WWOX: variants seen among roughly 807,000 people sequenced by gnomAD.
WWOX encodes the protein WW domain-containing oxidoreductase.
In WWOX, 69 loss-of-function variants were observed where a neutral mutation model predicts 46.2. That is an observed-to-expected ratio of 1.49 (90% CI 1.23 to 1.82). WWOX has a LOEUF of 1.82. WWOX is among the 40% of genes most tolerant of loss of function. WWOX has a pLI of 0.00. For missense variants in WWOX, 919 were observed against 542.6 expected, an observed-to-expected ratio of 1.69 and a Z score of -6.89; for synonymous variants, 359 against 202.6, an observed-to-expected ratio of 1.77 and a Z score of -6.56.
chr16:78,834,865 A>G (rs1437740790), intron 8 of WWOX, among the ~76,000 whole-genome samples: 2 of 152,202 alleles, frequency 1.3e-5, no homozygotes, highest in East Asian at 3.8e-4. Flanking sequence ...TCGTAATGAC[A>G]TTATTATGAT....
intron 6 of WWOX, among the ~76,000 whole-genome samples, chr16:78,412,436 G>A (rs537488421): frequency 2.0e-5 from 3 of 152,320 alleles, no homozygotes; most frequent in Admixed American, 6.5e-5. Context: ...AGGGTTTGAA[G>A]TCTTCATGGC....
chr16:78,561,130 C>G (rs1385030214), intron 8 of WWOX, among the ~76,000 whole-genome samples: 2 of 152,170 alleles, frequency 1.3e-5, no homozygotes, highest in African/African-American at 4.8e-5. Context: ...GCCCCTGTTT[C>G]CTACTGACTT....
At chr16:79,056,459 G>C (rs1003376169) in intron 8 of WWOX, among the ~76,000 whole-genome samples, 6 of 152,212 alleles carry the variant, frequency 3.9e-5, no homozygotes, top group Non-Finnish European at 8.8e-5. Flanking sequence ...CTGGGGCAGA[G>C]GGTTGCCTGG....
chr16:78,407,705 C>G (rs1305571006), intron 6 of WWOX, among the ~76,000 whole-genome samples: 2 of 152,172 alleles, frequency 1.3e-5, no homozygotes, highest in Non-Finnish European at 1.5e-5. Flanking sequence ...CTTCTTCCCT[C>G]CAGCTTCAGT....
chr16:79,139,275 G>T (rs998504716), intron 8 of WWOX, among the ~76,000 whole-genome samples: 1 of 152,200 alleles, frequency 6.6e-6, no homozygotes, highest in South Asian at 2.1e-4. Context: ...TGCTGATCAC[G>T]TTAAGCCAGG....
intron 8 of WWOX, among the ~76,000 whole-genome samples, chr16:78,699,260 G>A (rs1272665806): frequency 6.6e-6 from 1 of 152,140 alleles, no homozygotes. Context: ...GCAGCACGGT[G>A]TGATGGCTCA....
At chr16:78,833,580 AT>A (rs2051892314) in intron 8 of WWOX, among the ~76,000 whole-genome samples, 1 of 151,906 alleles carries the variant, frequency 6.6e-6, no homozygotes, top group Non-Finnish European at 1.5e-5. Flanking sequence ...CTTGTATCTG[AT>A]TTTTCATAGT....
intron 5 of WWOX, among the ~76,000 whole-genome samples, chr16:78,363,574 A>T (rs1015772287): frequency 2.0e-5 from 3 of 152,142 alleles, no homozygotes; most frequent in Non-Finnish European, 4.4e-5. Flanking sequence ...CCACTGTCCC[A>T]GGCCAGTTTT....
chr16:78,754,771 C>T (rs1049391666), intron 8 of WWOX, among the ~76,000 whole-genome samples: 4 of 152,084 alleles, frequency 2.6e-5, no homozygotes, highest in Non-Finnish European at 4.4e-5. Context: ...CTGAGTTTGA[C>T]AGTGTGAATG....
intron 8 of WWOX, among the ~76,000 whole-genome samples, chr16:78,513,903 C>T (rs530253808): frequency 6.7e-6 from 1 of 149,898 alleles, no homozygotes; most frequent in Non-Finnish European, 1.5e-5. Flanking sequence ...CTCCCCCCCC[C>T]CCCACTTGTA....
At chr16:78,443,012 T>A (rs548630221) in intron 8 of WWOX, among the ~76,000 whole-genome samples, 10 of 151,828 alleles carry the variant, frequency 6.6e-5, no homozygotes, top group African/African-American at 2.2e-4. Flanking sequence ...CGTGGGTGCC[T>A]GTAGTCCCAG....
At chr16:78,808,863 A>G (rs1001559285) in intron 8 of WWOX, among the ~76,000 whole-genome samples, 1 of 152,160 alleles carries the variant, frequency 6.6e-6, no homozygotes, top group Non-Finnish European at 1.5e-5. Context: ...TCATTTGAAC[A>G]CACAAAATAT....
At chr16:78,503,289 G>C (rs2085114268) in intron 8 of WWOX, among the ~76,000 whole-genome samples, 1 of 151,984 alleles carries the variant, frequency 6.6e-6, no homozygotes, top group Non-Finnish European at 1.5e-5. Flanking sequence ...CATTTTCACT[G>C]AACTGAAAAT....
intron 8 of WWOX, among the ~76,000 whole-genome samples, chr16:79,124,554 T>C (rs10492901): frequency 0.39 from 58,802 of 151,994 alleles, 11,598 homozygotes; most frequent in South Asian, 0.52. Flanking sequence ...TCTTTTGTTA[T>C]ACCCGAAGTG....
At chr16:78,456,600 T>C (rs2083822301) in intron 8 of WWOX, among the ~76,000 whole-genome samples, 1 of 152,216 alleles carries the variant, frequency 6.6e-6, no homozygotes, top group Non-Finnish European at 1.5e-5. Context: ...GATGGGTATG[T>C]AGTTCATTTT....
chr16:79,024,661 T>G (rs545703348), intron 8 of WWOX, among the ~76,000 whole-genome samples: 8 of 152,102 alleles, frequency 5.3e-5, no homozygotes, highest in African/African-American at 1.7e-4. Flanking sequence ...GGTCTTCATC[T>G]CCTGACCTCG....
chr16:78,413,603 T>A (rs1228683603), intron 6 of WWOX, among the ~76,000 whole-genome samples: 1 of 151,954 alleles, frequency 6.6e-6, no homozygotes, highest in African/African-American at 2.4e-5. Context: ...TAAGGCTATT[T>A]TCACTTCTTT....
Position 78,631,933 on chromosome 16 carries a change from A to G in WWOX, c.1056+199181A>G, listed in dbSNP as rs529623852. Among the ~76,000 whole-genome samples the G allele has an allele frequency of 7.2e-5, 11 of 151,998 alleles. 1 individual carries two copies. The South Asian group carries it at 2.3e-3, about 32-fold the overall frequency. The stretch of plus-strand genomic sequence containing the variant: ...ATTTAAATTATTCTGTCTTCTATGA[A>G]ATGACAGTGATTGGAGGTGGTTTAT... On this transcript the variant is annotated intron_variant, in intron 8 of 8. Transcript: ENST00000566780.
intron 5 of WWOX, among the ~76,000 whole-genome samples, chr16:78,205,927 TTC>T (rs2036379536): frequency 6.6e-6 from 1 of 151,310 alleles, no homozygotes; most frequent in Non-Finnish European, 1.5e-5. Context: ...CTTTCCTTCC[TTC>T]TCTTTCTTTC....
Sources: gnomAD v4.1 joint callset for allele counts (sites outside exome capture counted in the v4.1 genomes callset) on GRCh38, gnomAD v4.1.1 for gene constraint, MANE v1.5 for transcripts, NCBI Gene and HGNC (gene_info 2026-07-23, HGNC 2026-07-21) for gene names.